ABCA13: variants seen among roughly 807,000 people sequenced by gnomAD.
The protein encoded by ABCA13 is ATP binding cassette subfamily A member 13.
Under a neutral mutation model 478.7 loss-of-function variants are expected in ABCA13, and 476 were observed. The ratio of observed to expected loss-of-function variants is 0.99; its 90% confidence interval spans 0.92 to 1.07. ABCA13 has a LOEUF of 1.07. Among genes scored for constraint, ABCA13 ranks in the 50% least tolerant of loss-of-function variants. ABCA13 has a pLI of 0.00. For synonymous variants in ABCA13, 2,252 were observed against 2,158.9 expected, an observed-to-expected ratio of 1.04 and a Z score of -1.20; for missense variants, 6,060 against 5,910.6, an observed-to-expected ratio of 1.03 and a Z score of -0.83.
intron 15 of ABCA13, among the ~76,000 whole-genome samples, chr7:48,253,613 G>C (rs1480994498): frequency 6.6e-6 from 1 of 152,142 alleles, no homozygotes; most frequent in African/African-American, 2.4e-5. Context: ...TGCCTCCCAA[G>C]TAGCTGGGAC....
At chr7:48,582,445 G>A (rs1788794139) in intron 56 of ABCA13, among the ~76,000 whole-genome samples, 1 of 152,162 alleles carries the variant, frequency 6.6e-6, no homozygotes, top group Non-Finnish European at 1.5e-5. Flanking sequence ...CAACATGTGT[G>A]CCTCACCTCC....
In ABCA13 at chr7:48,614,590, G is replaced by A. The variant is rs1050078937; in HGVS notation, c.14745-695G>A. The stretch of plus-strand genomic sequence containing the variant: ...GCTATAAAGACACATGCACACGTAT[G>A]TTTATTGTGGCACTGTTCACAATAG... On this transcript the variant is annotated intron_variant, in intron 58 of 61. Coordinates refer to ENST00000435803, the MANE Select transcript of ABCA13 (RefSeq NM_152701.5). 3.0e-4 allele frequency among the ~76,000 whole-genome samples: 45 copies of A among 150,968 alleles called. 1 individual carries two copies. Among genetic ancestry groups the A allele is most frequent in the Non-Finnish European group, 6.2e-4 (42 of 67,592 alleles).
intron 41 of ABCA13, among the ~76,000 whole-genome samples, chr7:48,413,376 C>A (rs1264842048): frequency 6.6e-6 from 1 of 152,162 alleles, no homozygotes; most frequent in Non-Finnish European, 1.5e-5. Flanking sequence ...GTGGATGAGA[C>A]CACTCCATGT....
intron 59 of ABCA13, among the ~76,000 whole-genome samples, chr7:48,642,834 A>G (rs1174426899): frequency 6.6e-6 from 1 of 152,142 alleles, no homozygotes; most frequent in Non-Finnish European, 1.5e-5. Context: ...TAACTTTTTT[A>G]TATAACAAAC....
intron 57 of ABCA13, among the ~76,000 whole-genome samples, chr7:48,588,764 G>T (rs987076983): frequency 2.0e-4 from 30 of 152,310 alleles, no homozygotes; most frequent in African/African-American, 7.2e-4. Context: ...TCGTGACTAT[G>T]ATGATGGTTA....
At chr7:48,312,219 T>A (rs1801884338) in intron 24 of ABCA13, among the ~76,000 whole-genome samples, 2 of 152,224 alleles carry the variant, frequency 1.3e-5, no homozygotes, top group Admixed American at 1.3e-4. Flanking sequence ...TGGGTTCCTC[T>A]GCCCCAGCCT....
intron 44 of ABCA13, among the ~76,000 whole-genome samples, chr7:48,469,108 C>T (rs972378252): frequency 1.3e-5 from 2 of 152,114 alleles, no homozygotes; most frequent in Non-Finnish European, 2.9e-5. Flanking sequence ...TGGTTTAGTA[C>T]AGAACAAAAG....
chr7:48,457,931 T>G (rs1270235004), intron 43 of ABCA13, among the ~76,000 whole-genome samples: 2 of 152,250 alleles, frequency 1.3e-5, no homozygotes, highest in Non-Finnish European at 2.9e-5. Flanking sequence ...TTTTTGTTAT[T>G]ATCTCTAATG....
At chr7:48,240,463 C>T (rs946242139) in intron 9 of ABCA13, among the ~76,000 whole-genome samples, 3 of 152,146 alleles carry the variant, frequency 2.0e-5, no homozygotes, top group African/African-American at 2.4e-5. Flanking sequence ...TCACCATGTC[C>T]GTGTCGTAAA....
chr7:48,226,458 T>C (rs1788222486), intron 5 of ABCA13, among the ~76,000 whole-genome samples: 1 of 152,190 alleles, frequency 6.6e-6, no homozygotes, highest in Non-Finnish European at 1.5e-5. Context: ...CTCTGGAGAA[T>C]GCTTCTTTTT....
At chr7:48,182,391 T>C (rs140106624) in intron 1 of ABCA13, among the ~76,000 whole-genome samples, 2 of 152,342 alleles carry the variant, frequency 1.3e-5, no homozygotes, top group African/African-American at 4.8e-5. Context: ...GAAGAGTATG[T>C]ACATCTCACA....
chr7:48,204,596 C>G (rs1325447532), intron 3 of ABCA13, among the ~76,000 whole-genome samples: 1 of 152,120 alleles, frequency 6.6e-6, no homozygotes, highest in Non-Finnish European at 1.5e-5. Context: ...CTGTGCCTGC[C>G]GTCCCATTCC....
chr7:48,363,953 G>T (rs1028034462), intron 31 of ABCA13, among the ~76,000 whole-genome samples: 2 of 151,976 alleles, frequency 1.3e-5, no homozygotes, highest in Non-Finnish European at 2.9e-5. Flanking sequence ...CAACTTTTTC[G>T]CATGGGTTTT....
chr7:48,447,659 C>T (rs569952434), intron 42 of ABCA13, among the ~76,000 whole-genome samples: 2 of 152,166 alleles, frequency 1.3e-5, no homozygotes, highest in South Asian at 4.1e-4. Flanking sequence ...GAAGAATGGA[C>T]CCAGGAGAGA....
chr7:48,426,366 C>T (rs1348045553), intron 41 of ABCA13, among the ~76,000 whole-genome samples: 1 of 152,204 alleles, frequency 6.6e-6, no homozygotes, highest in East Asian at 1.9e-4. Flanking sequence ...TTGCTCATGG[C>T]TTCTTCTTTC....
In ABCA13 at chr7:48,251,668, GTATAT is replaced by G. The variant is rs945801770; in HGVS notation, c.2005+2321_2005+2325del. Among the ~76,000 whole-genome samples the G allele has an allele frequency of 4.0e-5, 6 of 151,850 alleles. No homozygotes were observed. In the South Asian group the frequency reaches 1.2e-3, roughly 32 times the overall value. On this transcript the variant is annotated intron_variant, in intron 15 of 61. Coordinates refer to ENST00000435803, the MANE Select transcript of ABCA13 (RefSeq NM_152701.5). ...TAAAAAAAATATTTTTACTAAATAT[GTATAT>G]TATTTTATTAATTTATTTTTTATCT...
chr7:48,481,526 G>A (rs1217403646), intron 46 of ABCA13, among the ~76,000 whole-genome samples: 2 of 144,030 alleles, frequency 1.4e-5, no homozygotes, highest in African/African-American at 2.6e-5. Context: ...GCAGAAGCAC[G>A]AGAGCCAGAA....
At chr7:48,298,954 C>T (rs190753778) in intron 23 of ABCA13, among the ~76,000 whole-genome samples, 203 of 152,210 alleles carry the variant, frequency 1.3e-3, no homozygotes, top group Non-Finnish European at 1.1e-3. Context: ...TCACTGTGAA[C>T]GCAAATGAGT....
intron 57 of ABCA13, among the ~76,000 whole-genome samples, chr7:48,591,233 G>T (rs1229991528): frequency 6.6e-6 from 1 of 151,914 alleles, no homozygotes; most frequent in Non-Finnish European, 1.5e-5. Context: ...TGAAGAGACT[G>T]TCCTTTTCCC....
Sources: gnomAD v4.1 joint callset for allele counts (sites outside exome capture counted in the v4.1 genomes callset) on GRCh38, gnomAD v4.1.1 for gene constraint, MANE v1.5 for transcripts, NCBI Gene and HGNC (gene_info 2026-07-23, HGNC 2026-07-21) for gene names.